Variants in KCNMB2 observed in about 807,000 individuals in gnomAD.
KCNMB2 encodes the protein potassium calcium-activated channel subfamily M regulatory beta subunit 2.
Under a neutral mutation model 24.5 loss-of-function variants are expected in KCNMB2, and 9 were observed. The ratio of observed to expected loss-of-function variants is 0.37; its 90% confidence interval spans 0.22 to 0.64. The LOEUF (loss-of-function observed/expected upper bound fraction) is 0.64, where lower values mean the gene tolerates loss of function less well. Ranked by LOEUF, KCNMB2 falls within the 30% of genes least tolerant of loss-of-function variation. KCNMB2 has a pLI of 0.63. For missense variants in KCNMB2, 226 were observed against 284.3 expected, an observed-to-expected ratio of 0.79 and a Z score of 1.47; for synonymous variants, 109 against 104.4, an observed-to-expected ratio of 1.04 and a Z score of -0.27.
Position 178,832,156 on chromosome 3 carries a change from C to T in KCNMB2, c.423+3783C>T, listed in dbSNP as rs1157097591. On this transcript the variant is annotated intron_variant, in intron 4 of 4. Coordinates refer to ENST00000452583, the MANE Select transcript of KCNMB2 (RefSeq NM_181361.3). The stretch of plus-strand genomic sequence containing the variant: ...TATTTATTTTAGTGCAATGACATCC[C>T]TAAAAAATGTTCTCATTTTTCATTT... Among the ~76,000 whole-genome samples, 6 of 151,996 alleles carry T rather than the reference C, an allele frequency of 3.9e-5. No individual in the cohort carries two copies. The East Asian group carries it at 9.6e-4, about 24-fold the overall frequency.
rs111290174 is a variant in KCNMB2, at chr3:178,601,310, G to A, written c.-68+64599G>A. On this transcript the variant is annotated intron_variant, in intron 1 of 4. Transcript: ENST00000452583. ...GTATACCTATGCAATAAACCTGCAC[G>A]CTCTGCACATGTACCCCAGAACTTA... Among the ~76,000 whole-genome samples, 959 of 152,002 alleles carry A rather than the reference G, an allele frequency of 6.3e-3. 10 individuals carry two copies. Among genetic ancestry groups the A allele is most frequent in the African/African-American group, 0.022 (905 of 41,460 alleles).
chr3:178,828,936 T>TGA, intron 4 of KCNMB2, among the ~76,000 whole-genome samples: 1 of 61,378 alleles, frequency 1.6e-5, no homozygotes, highest in African/African-American at 5.4e-5. Context: ...TGTGTGTGTG[T>TGA]GTGTGTGTGT....
rs1380594625 is a variant in KCNMB2, at chr3:178,759,324, T to A, written c.-67-48019T>A. ...ATATATATCTCCAAGAGGATATATA[T>A]ATATATATATCTCCAAGAGGATATA... On this transcript the variant is annotated intron_variant, in intron 1 of 4. Transcript: ENST00000452583. Among the ~76,000 whole-genome samples, 4 of 99,842 alleles carry A rather than the reference T, an allele frequency of 4.0e-5. 1 individual carries two copies. Among genetic ancestry groups the A allele is most frequent in the Non-Finnish European group, 7.7e-5 (4 of 51,628 alleles). The allele number at this position is 99,842 out of a possible 152,430, so 65.5% of individuals were successfully genotyped here.
chr3:178,777,771 TC>T (rs1397615096), intron 1 of KCNMB2, among the ~76,000 whole-genome samples: 2 of 152,220 alleles, frequency 1.3e-5, no homozygotes, highest in African/African-American at 4.8e-5. Context: ...GCTTCATATG[TC>T]ACCTAACAGT....
intron 1 of KCNMB2, among the ~76,000 whole-genome samples, chr3:178,558,180 AAG>A (rs984902542): frequency 1.5e-5 from 1 of 66,290 alleles, no homozygotes; most frequent in Non-Finnish European, 4.3e-5. Context: ...ATTTTAACCC[AAG>A]TCAATTTTAA....
At chr3:178,571,553 A>T (rs1417064343) in intron 1 of KCNMB2, among the ~76,000 whole-genome samples, 17 of 150,096 alleles carry the variant, frequency 1.1e-4, no homozygotes, top group Admixed American at 1.1e-3. Flanking sequence ...TCTGGGATAC[A>T]TGTGCAGAAC....
At chr3:178,783,792 C>A (rs1474484527) in intron 1 of KCNMB2, among the ~76,000 whole-genome samples, 5 of 152,124 alleles carry the variant, frequency 3.3e-5, no homozygotes, top group Non-Finnish European at 7.4e-5. Context: ...ATTTCCTTCT[C>A]CTGCCTAATT....
At chr3:178,685,677 A>C (rs1721443950) in intron 1 of KCNMB2, among the ~76,000 whole-genome samples, 1 of 152,242 alleles carries the variant, frequency 6.6e-6, no homozygotes, top group South Asian at 2.1e-4. Context: ...GAAATTATTA[A>C]GTCCAAACCT....
intron 1 of KCNMB2, among the ~76,000 whole-genome samples, chr3:178,716,686 G>C (rs1174402029): frequency 6.6e-6 from 1 of 152,030 alleles, no homozygotes; most frequent in Non-Finnish European, 1.5e-5. Flanking sequence ...CAAGTGATTT[G>C]CCCACTTCGG....
At chr3:178,604,061 C>T (rs1412305362) in intron 1 of KCNMB2, among the ~76,000 whole-genome samples, 1 of 152,172 alleles carries the variant, frequency 6.6e-6, no homozygotes, top group Non-Finnish European at 1.5e-5. Context: ...CTCTAAAGGG[C>T]ATCCTGTTTC....
At chr3:178,587,705 C>T (rs187324840) in intron 1 of KCNMB2, among the ~76,000 whole-genome samples, 20 of 151,434 alleles carry the variant, frequency 1.3e-4, no homozygotes, top group Admixed American at 1.1e-3. Flanking sequence ...CTCGGCCTCC[C>T]AAAGTGCTGG....
intron 1 of KCNMB2, among the ~76,000 whole-genome samples, chr3:178,760,805 T>C (rs948559322): frequency 1.3e-5 from 2 of 152,036 alleles, no homozygotes; most frequent in Non-Finnish European, 2.9e-5. Flanking sequence ...AGTTTCTTCC[T>C]TAGAGACAAG....
chr3:178,754,303 A>G (rs1723955259), intron 1 of KCNMB2, among the ~76,000 whole-genome samples: 1 of 151,702 alleles, frequency 6.6e-6, no homozygotes, highest in Non-Finnish European at 1.5e-5. Context: ...CAAGAGACAG[A>G]TATCTCTTTG....
At chr3:178,665,863 CAAATCTCAG>C (rs1720700037) in intron 1 of KCNMB2, among the ~76,000 whole-genome samples, 1 of 152,196 alleles carries the variant, frequency 6.6e-6, no homozygotes, top group Admixed American at 6.6e-5. Flanking sequence ...TGACCAGTCT[CAAATCTCAG>C]AACTATTCCT....
intron 1 of KCNMB2, among the ~76,000 whole-genome samples, chr3:178,550,314 C>T (rs568052130): frequency 3.3e-5 from 5 of 149,834 alleles, no homozygotes; most frequent in African/African-American, 7.4e-5. Context: ...AAAAATTAGA[C>T]GGGCATGGTG....
At chr3:178,735,548 G>C (rs745968257) in intron 1 of KCNMB2, among the ~76,000 whole-genome samples, 3 of 152,172 alleles carry the variant, frequency 2.0e-5, no homozygotes, top group Admixed American at 6.5e-5. Flanking sequence ...TCAAGTTCCA[G>C]CTCCTTCACA....
intron 1 of KCNMB2, among the ~76,000 whole-genome samples, chr3:178,551,126 A>G (rs1393752897): frequency 6.6e-6 from 1 of 152,200 alleles, no homozygotes; most frequent in Non-Finnish European, 1.5e-5. Flanking sequence ...TTTTCCCCAA[A>G]AGGAAAGTAA....
chr3:178,605,182 C>T (rs1374502719), intron 1 of KCNMB2, among the ~76,000 whole-genome samples: 1 of 152,024 alleles, frequency 6.6e-6, no homozygotes, highest in African/African-American at 2.4e-5. Context: ...GGACCAAGAC[C>T]TCATGAATGG....
chr3:178,605,032 C>T (rs1718223037), intron 1 of KCNMB2, among the ~76,000 whole-genome samples: 2 of 152,052 alleles, frequency 1.3e-5, no homozygotes, highest in Admixed American at 6.6e-5. Flanking sequence ...AAGAAGTCCC[C>T]AAAGATTTAT....
Sources: allele counts gnomAD v4.1 joint callset (sites outside exome capture counted in the v4.1 genomes callset), GRCh38; gene constraint gnomAD v4.1.1; transcripts MANE v1.5; gene names NCBI Gene and HGNC (gene_info 2026-07-23, HGNC 2026-07-21).